Variants in TIAM2 observed in about 807,000 individuals in gnomAD.
The protein encoded by TIAM2 is rho guanine nucleotide exchange factor TIAM2.
Under a neutral mutation model 152.9 loss-of-function variants are expected in TIAM2, and 80 were observed. The ratio of observed to expected loss-of-function variants is 0.52; its 90% CI spans 0.44 to 0.63. TIAM2 has a LOEUF of 0.63. Among genes scored for constraint, TIAM2 ranks in the 30% least tolerant of loss-of-function variants. TIAM2 has a pLI of 0.00. For synonymous variants in TIAM2, 804 were observed against 838.0 expected, an observed-to-expected ratio of 0.96 and a Z score of 0.70; for missense variants, 1,965 against 2,120.1, an observed-to-expected ratio of 0.93 and a Z score of 1.44.
intron 1 of TIAM2, among the ~76,000 whole-genome samples, chr6:155,037,712 T>A (rs1776948197): frequency 6.6e-6 from 1 of 152,028 alleles, no homozygotes; most frequent in Non-Finnish European, 1.5e-5. Flanking sequence ...GTATTTTTAG[T>A]AGGGATGGGG....
In TIAM2 at chr6:155,075,373, A is replaced by G. The variant is rs181925415; in HGVS notation, c.-208-14916A>G. ...TGAAAAAAAAAAAAACCCAACAACC[A>G]ACTCTTCAAGACAGCTGTCATCCTT... On this transcript the variant is annotated intron_variant, in intron 1 of 26. Coordinates refer to ENST00000682666, the MANE Select transcript of TIAM2 (RefSeq NM_012454.4). Among the ~76,000 whole-genome samples, 45 of 151,646 alleles carry G rather than the reference A, an allele frequency of 3.0e-4. No individual in the cohort carries two copies. The East Asian group carries it at 7.7e-3, about 26-fold the overall frequency.
At chr6:155,115,629 C>T (rs953086434) in intron 2 of TIAM2, among the ~76,000 whole-genome samples, 31 of 151,990 alleles carry the variant, frequency 2.0e-4, no homozygotes, top group Admixed American at 2.0e-3. Context: ...CTCCAGCCTG[C>T]GTGATAGAGC....
intron 10 of TIAM2, among the ~76,000 whole-genome samples, chr6:155,177,243 T>C (rs1780780223): frequency 1.3e-5 from 2 of 152,246 alleles, no homozygotes; most frequent in Admixed American, 1.3e-4. Context: ...CTATGTATAC[T>C]TTGATATCTA....
chr6:155,032,107 C>G (rs963512224), intron 1 of TIAM2, among the ~76,000 whole-genome samples: 4 of 122,338 alleles, frequency 3.3e-5, no homozygotes, highest in African/African-American at 1.3e-4. Flanking sequence ...TGGGAGAGGT[C>G]ATGCTACTGT....
Position 154,995,813 on chromosome 6 carries a change from C to T in TIAM2, c.-209+321C>T, listed in dbSNP as rs573790098. Among the ~76,000 whole-genome samples, 2 of 152,214 alleles carry T rather than the reference C, an allele frequency of 1.3e-5. No homozygotes were observed. Among genetic ancestry groups the T allele is most frequent in the Admixed American group, 6.5e-5 (1 of 15,290 alleles). The stretch of plus-strand genomic sequence containing the variant: ...GACACGCCAGGACCCACTTTCAGCC[C>T]CGGTCCCATCCCGGATGGGAGGAGG... On this transcript the variant is annotated intron_variant, in intron 1 of 26. Transcript: ENST00000682666. The surrounding 1 kb of genome is among the most constrained non-coding windows in gnomAD (Gnocchi z 5.2).
chr6:155,251,694 CT>C (rs1783664285), intron 22 of TIAM2, among the ~76,000 whole-genome samples: 1 of 152,198 alleles, frequency 6.6e-6, no homozygotes, highest in African/African-American at 2.4e-5. Flanking sequence ...GTGTCCTCAG[CT>C]TTCAATAAAA....
At chr6:155,145,738 C>T (rs1471508987) in intron 6 of TIAM2, among the ~76,000 whole-genome samples, 1 of 152,094 alleles carries the variant, frequency 6.6e-6, no homozygotes, top group Admixed American at 6.5e-5. Context: ...CCCTCAGAAG[C>T]CCTGCAGAGC....
At chr6:155,113,339 T>C (rs955419944) in intron 2 of TIAM2, among the ~76,000 whole-genome samples, 1 of 152,100 alleles carries the variant, frequency 6.6e-6, no homozygotes, top group Non-Finnish European at 1.5e-5. Context: ...CTTTTAAAAA[T>C]TGCAGCATCC....
At position 155,027,371 on chromosome 6, in the gene TIAM2, AATAT is replaced by A. The variant is rs1165616181; in HGVS notation, c.-209+31885_-209+31888del. Among the ~76,000 whole-genome samples the A allele has an allele frequency of 2.6e-3, 344 of 134,126 alleles. 4 individuals are homozygous for A. The highest frequency in any genetic ancestry group is 0.01 in the African/African-American group (323 of 31,714). The allele number at this position is 134,126 out of a possible 152,430, so 88.0% of individuals were successfully genotyped here. A position where few individuals can be genotyped will look rare whatever the true frequency, so the allele number is the denominator to read the frequency against. On this transcript the variant is annotated intron_variant, in intron 1 of 26. Coordinates refer to ENST00000682666, the MANE Select transcript of TIAM2 (RefSeq NM_012454.4). ...ACTGTGTTACATATATACTATATAT[AATAT>A]ATATACTGTGTTACATATATACTAT... is the stretch of plus-strand genomic sequence containing the variant.
chr6:155,023,559 G>A (rs578022841), intron 1 of TIAM2, among the ~76,000 whole-genome samples: 5 of 152,130 alleles, frequency 3.3e-5, no homozygotes, highest in Non-Finnish European at 4.4e-5. Flanking sequence ...TTGGGTAGCA[G>A]CCTGGCCTGG....
intron 26 of TIAM2, 22 bp downstream of exon 26, chr6:155,254,595 T>C: frequency 1.2e-6 from 2 of 1,604,650 alleles, no homozygotes; most frequent in Admixed American, 1.7e-5. Flanking sequence ...GCTAGCCTTG[T>C]GTTTATTCAA....
intron 2 of TIAM2, among the ~76,000 whole-genome samples, chr6:155,101,814 G>T (rs1197664636): frequency 2.0e-5 from 3 of 151,898 alleles, no homozygotes; most frequent in Admixed American, 6.6e-5. Flanking sequence ...GGGTTCTCCT[G>T]CCTCAGCCTC....
chr6:155,015,952 A>C (rs1004886891), intron 1 of TIAM2, among the ~76,000 whole-genome samples: 3,364 of 150,330 alleles, frequency 0.022, 230 homozygotes, highest in African/African-American at 0.077. Context: ...ACCAAAAAAA[A>C]AAAAAAAAAA....
intron 1 of TIAM2, among the ~76,000 whole-genome samples, chr6:155,047,688 G>GA (rs71023609): frequency 0.037 from 1,651 of 44,512 alleles, 143 homozygotes; most frequent in African/African-American, 0.11. Flanking sequence ...GAGAGAGAGA[G>GA]GAGAGAGAGA....
intron 14 of TIAM2, among the ~76,000 whole-genome samples, chr6:155,187,913 G>T (rs1029180572): frequency 6.6e-6 from 1 of 152,098 alleles, no homozygotes; most frequent in African/African-American, 2.4e-5. Flanking sequence ...GGTGTGGAAA[G>T]CAGCCTTGGA....
In TIAM2 at chr6:155,244,783, A is replaced by G. The variant is rs752593822; in HGVS notation, c.3543A>G (p.Arg1181=). Residue 1181 remains arginine (R), a splice_region_variant and synonymous_variant, in exon 18 of 27, where the codon AGA becomes AGG. Coordinates refer to ENST00000682666, the MANE Select transcript of TIAM2 (RefSeq NM_012454.4). ...FNTLETPSQF[R]KLLFSLGGSF... is the part of the protein sequence containing the mutation. The stretch of plus-strand genomic sequence containing the variant: ...CCCTAGAAACCCCCTCACAGTTTAG[A>G]GTAAGTATCTCAGATTTAGGCTTAA... 1.2e-6 allele frequency: 2 copies of G among 1,606,294 alleles called. No individual in the cohort carries two copies. The highest frequency in any genetic ancestry group is 2.2e-5 in the South Asian group (2 of 89,462).
At chr6:155,046,222 T>G (rs1241051065) in intron 1 of TIAM2, among the ~76,000 whole-genome samples, 3 of 152,160 alleles carry the variant, frequency 2.0e-5, no homozygotes, top group African/African-American at 7.2e-5. Flanking sequence ...ACTGCTGGCT[T>G]CTCTTCCTGT....
At chr6:155,253,133 T>TG in intron 24 of TIAM2, 80 bp downstream of exon 24, 1 of 1,243,000 alleles carries the variant, frequency 8.0e-7, no homozygotes, top group South Asian at 1.3e-5. Flanking sequence ...GAAAGGACCT[T>TG]GGGGATAATT....
At chr6:155,160,264 GA>G (rs1055183148) in intron 7 of TIAM2, among the ~76,000 whole-genome samples, 66 of 152,152 alleles carry the variant, frequency 4.3e-4, no homozygotes, top group African/African-American at 1.5e-3. Flanking sequence ...AGCCAAGGGG[GA>G]AAAAAAGCCA....
Sources: allele counts gnomAD v4.1 joint callset (sites outside exome capture counted in the v4.1 genomes callset), GRCh38; gene constraint gnomAD v4.1.1; non-coding constraint Gnocchi (gnomAD v3.1); transcripts MANE v1.5; gene names NCBI Gene and HGNC (gene_info 2026-07-23, HGNC 2026-07-21).